The following TGFA variants were observed in gnomAD, a reference collection of about 807,000 sequenced individuals.
TGFA encodes the protein transforming growth factor alpha, also known as protransforming growth factor alpha.
In TGFA, 12 loss-of-function variants were observed where a neutral mutation model predicts 21.7. The ratio of observed to expected loss-of-function variants is 0.55; its 90% CI spans 0.35 to 0.90. TGFA has a LOEUF of 0.90. TGFA is among the 40% of genes least tolerant of loss of function. The pLI, the probability that TGFA is intolerant of heterozygous loss-of-function variation, is 0.01. For synonymous variants in TGFA, 79 were observed against 88.1 expected, an observed-to-expected ratio of 0.90 and a Z score of 0.58; for missense variants, 178 against 210.8, an observed-to-expected ratio of 0.84 and a Z score of 0.96.
At chr2:70,520,967 A>G (rs781903227) in intron 1 of TGFA, among the ~76,000 whole-genome samples, 1 of 151,632 alleles carries the variant, frequency 6.6e-6, no homozygotes, top group Non-Finnish European at 1.5e-5. Context: ...GCCCTCCTAC[A>G]CACCCAGCCT....
At chr2:70,513,294 T>C (rs542381786) in intron 2 of TGFA, among the ~76,000 whole-genome samples, 1 of 152,274 alleles carries the variant, frequency 6.6e-6, no homozygotes, top group African/African-American at 2.4e-5. Flanking sequence ...TTGGGGCAAG[T>C]GCATTCTAGA....
In TGFA at chr2:70,553,733, G is replaced by T; in HGVS notation, c.35C>A (p.Ala12Asp). ...VPSAGQLALF[A>D]LGIVLAACQA... ...GCCGCAGCCGGCGTACGTACCCAGA[G>T]CGAACAGGGCGAGCTGTCCAGCCGA... The change falls in exon 1 of 6, where the codon GCT becomes GAT. Residue 12 changes from alanine to aspartate, a missense_variant. Coordinates refer to ENST00000295400, the MANE Select transcript of TGFA (RefSeq NM_003236.4). 1 of 1,331,508 alleles carries T rather than the reference G, an allele frequency of 7.5e-7. No individual in the cohort carries two copies. The highest frequency in any genetic ancestry group is 9.6e-7 in the Non-Finnish European group (1 of 1,036,680). 82.5% of individuals were successfully genotyped at this position (1,331,508 alleles called of 1,614,324 possible).
intron 1 of TGFA, among the ~76,000 whole-genome samples, chr2:70,518,974 T>G (rs1411086988): frequency 1.3e-5 from 2 of 152,036 alleles, no homozygotes; most frequent in Admixed American, 6.5e-5. Flanking sequence ...GGATGAAGGG[T>G]AAGTTTTTGT....
intron 5 of TGFA, among the ~76,000 whole-genome samples, chr2:70,451,921 T>C (rs534470174): frequency 1.3e-5 from 2 of 152,238 alleles, no homozygotes; most frequent in Admixed American, 6.5e-5. Flanking sequence ...CTGAATGGAT[T>C]TGCATCCTCA....
At chr2:70,476,761 A>G (rs1351286132) in intron 2 of TGFA, among the ~76,000 whole-genome samples, 1 of 152,218 alleles carries the variant, frequency 6.6e-6, no homozygotes. Flanking sequence ...GAGGAAACTG[A>G]AGAATACAGA....
intron 2 of TGFA, among the ~76,000 whole-genome samples, chr2:70,510,986 GA>G (rs35271081): frequency 0.2 from 30,817 of 151,636 alleles, 3,298 homozygotes; most frequent in South Asian, 0.31. Context: ...AAAAATAAAA[GA>G]AAAAAAATGC....
chr2:70,477,985 TG>T lies in TGFA; in HGVS notation c.95-12250del, dbSNP rs1428220441. Among the ~76,000 whole-genome samples the T allele has an allele frequency of 2.3e-3, 345 of 152,326 alleles. 1 individual carries two copies. The highest frequency in any genetic ancestry group is 7.9e-3 in the African/African-American group (327 of 41,566). On this transcript the variant is annotated intron_variant, in intron 2 of 5. Transcript: ENST00000295400. ...AATCATATCCTTTTCTCTCTTTCTC[TG>T]TCTCTTCTGGGAGCCTCATCCAAAC...
chr2:70,471,725 G>T (rs1308119848), intron 2 of TGFA, among the ~76,000 whole-genome samples: 1 of 152,096 alleles, frequency 6.6e-6, no homozygotes, highest in Non-Finnish European at 1.5e-5. Context: ...TACATCATCC[G>T]CCAAGTCGAG....
At chr2:70,496,429 G>GA (rs3836151) in intron 2 of TGFA, among the ~76,000 whole-genome samples, 3,734 of 150,998 alleles carry the variant, frequency 0.025, 165 homozygotes, top group African/African-American at 0.086. Flanking sequence ...GAGCCACAGG[G>GA]AAAAAAAAAC....
Position 70,450,817 on chromosome 2 carries a change from A to T in TGFA, c.*42T>A. The stretch of plus-strand genomic sequence containing the variant: ...GTCCTGAAGAAGCCTTTCTTTATTG[A>T]TCTGCCACAGTCCACCTGGCCAAAC... On this transcript the variant is annotated 3_prime_UTR_variant, in exon 6 of 6. Transcript: ENST00000295400. 6.2e-7 allele frequency: 1 copy of T among 1,605,284 alleles called. No individual in the cohort carries two copies. The highest frequency in any genetic ancestry group is 8.5e-7 in the Non-Finnish European group (1 of 1,175,106).
intron 4 of TGFA, among the ~76,000 whole-genome samples, chr2:70,454,293 C>T (rs1441197199): frequency 1.3e-5 from 2 of 152,236 alleles, no homozygotes; most frequent in African/African-American, 4.8e-5. Context: ...TGTCTTGGCA[C>T]TGTCCTGCAG....
At chr2:70,497,657 A>G (rs1559120263) in intron 2 of TGFA, among the ~76,000 whole-genome samples, 1 of 152,182 alleles carries the variant, frequency 6.6e-6, no homozygotes, top group Non-Finnish European at 1.5e-5. Context: ...GGTGGGTAGG[A>G]TAAGAGAAAG....
intron 1 of TGFA, among the ~76,000 whole-genome samples, chr2:70,515,870 C>T (rs1387997019): frequency 6.6e-6 from 1 of 152,166 alleles, no homozygotes; most frequent in Non-Finnish European, 1.5e-5. Flanking sequence ...TGTATTGTCC[C>T]ACTGGACTTC....
At chr2:70,504,518 A>T (rs1206058802) in intron 2 of TGFA, among the ~76,000 whole-genome samples, 1 of 145,114 alleles carries the variant, frequency 6.9e-6, no homozygotes, top group African/African-American at 2.5e-5. Context: ...ACACACACAC[A>T]GAAGATTCCA....
At chr2:70,505,385 G>A (rs1284860930) in intron 2 of TGFA, among the ~76,000 whole-genome samples, 6 of 152,200 alleles carry the variant, frequency 3.9e-5, no homozygotes, top group Non-Finnish European at 8.8e-5. Flanking sequence ...TCTAGAGCCT[G>A]TCACTGTGCT....
intron 2 of TGFA, among the ~76,000 whole-genome samples, chr2:70,491,944 CTA>C (rs1307448722): frequency 1.3e-5 from 2 of 152,210 alleles, no homozygotes; most frequent in Admixed American, 1.3e-4. Flanking sequence ...AACTTCAATT[CTA>C]CATTTTTTAA....
chr2:70,471,677 C>T (rs1423205376), intron 2 of TGFA, among the ~76,000 whole-genome samples: 3 of 151,784 alleles, frequency 2.0e-5, no homozygotes, highest in African/African-American at 4.9e-5. Flanking sequence ...ACAGGGATGT[C>T]ACTTATTGAG....
At chr2:70,477,490 T>C (rs782367646) in intron 2 of TGFA, among the ~76,000 whole-genome samples, 4 of 152,202 alleles carry the variant, frequency 2.6e-5, no homozygotes, top group Non-Finnish European at 4.4e-5. Context: ...AAAGATAAAG[T>C]GTGGGCCAGA....
chr2:70,462,092 T>G (rs529907610), intron 3 of TGFA, among the ~76,000 whole-genome samples: 1 of 152,186 alleles, frequency 6.6e-6, no homozygotes, highest in African/African-American at 2.4e-5. Flanking sequence ...GAGGCCATGA[T>G]AGATGGGGCC....
Sources: gnomAD v4.1 joint callset for allele counts (sites outside exome capture counted in the v4.1 genomes callset) on GRCh38, gnomAD v4.1.1 for gene constraint, MANE v1.5 for transcripts, NCBI Gene and HGNC (gene_info 2026-07-23, HGNC 2026-07-21) for gene names.